CDKAL1: variants seen among roughly 807,000 people sequenced by gnomAD.
The protein encoded by CDKAL1 is CDKAL1 threonylcarbamoyladenosine tRNA methylthiotransferase.
Under a neutral mutation model 68.2 loss-of-function variants are expected in CDKAL1, and 32 were observed. The ratio of observed to expected loss-of-function variants is 0.47; its 90% CI spans 0.35 to 0.63. The LOEUF (loss-of-function observed/expected upper bound fraction) is 0.63, where lower values mean the gene tolerates loss of function less well. CDKAL1 is among the 30% of genes least tolerant of loss of function. The pLI is 0.00. For missense variants in CDKAL1, 606 were observed against 696.7 expected, an observed-to-expected ratio of 0.87 and a Z score of 1.47; for synonymous variants, 234 against 244.3, an observed-to-expected ratio of 0.96 and a Z score of 0.39.
intron 10 of CDKAL1, among the ~76,000 whole-genome samples, chr6:20,988,114 TTGG>T (rs1406827541): frequency 6.6e-6 from 1 of 151,938 alleles, no homozygotes; most frequent in African/African-American, 2.4e-5. Flanking sequence ...TCTCTAAACT[TTGG>T]TGTTTTTATC....
At chr6:21,006,488 G>T (rs1767733485) in intron 11 of CDKAL1, among the ~76,000 whole-genome samples, 1 of 152,038 alleles carries the variant, frequency 6.6e-6, no homozygotes, top group African/African-American at 2.4e-5. Flanking sequence ...TGTTATTTTG[G>T]GTAGCACTAA....
At chr6:21,123,443 G>A (rs535902164) in intron 13 of CDKAL1, among the ~76,000 whole-genome samples, 20 of 152,230 alleles carry the variant, frequency 1.3e-4, no homozygotes, top group South Asian at 4.2e-4. Context: ...GCAACAGAGC[G>A]AAACTCCATC....
At chr6:21,001,209 G>A (rs1052494367) in intron 11 of CDKAL1, among the ~76,000 whole-genome samples, 3 of 151,922 alleles carry the variant, frequency 2.0e-5, no homozygotes, top group African/African-American at 7.3e-5. Context: ...TTCCTTTGTT[G>A]TTTTTCTTAA....
At chr6:20,545,659 C>T (rs1211925292) in intron 2 of CDKAL1, among the ~76,000 whole-genome samples, 6 of 152,122 alleles carry the variant, frequency 3.9e-5, no homozygotes, top group East Asian at 1.9e-4. Flanking sequence ...TGGTCTCAAA[C>T]GCCTGACCTC....
intron 12 of CDKAL1, among the ~76,000 whole-genome samples, chr6:21,082,379 C>A (rs934506547): frequency 8.5e-5 from 13 of 152,184 alleles, no homozygotes; most frequent in African/African-American, 2.9e-4. Context: ...TTTCAACAAT[C>A]TTTTTAGGTG....
At chr6:20,924,918 T>C (rs556689463) in intron 9 of CDKAL1, among the ~76,000 whole-genome samples, 1 of 152,334 alleles carries the variant, frequency 6.6e-6, no homozygotes, top group African/African-American at 2.4e-5. Context: ...AACAAAGGAT[T>C]TTGAGTATTA....
intron 4 of CDKAL1, among the ~76,000 whole-genome samples, chr6:20,570,655 C>T (rs1452658333): frequency 1.3e-5 from 2 of 152,154 alleles, no homozygotes; most frequent in East Asian, 3.8e-4. Flanking sequence ...ACTGCCTTGG[C>T]TTCCCAAAGT....
At chr6:20,549,985 A>T (rs9465802) in intron 4 of CDKAL1, among the ~76,000 whole-genome samples, 144,871 of 150,396 alleles carry the variant, frequency 0.96, 69,753 homozygotes, top group East Asian at 1. Flanking sequence ...AATTAATTAA[A>T]TTTTTTTTTT....
chr6:20,800,053 T>C (rs1379146388), intron 8 of CDKAL1, among the ~76,000 whole-genome samples: 2 of 152,260 alleles, frequency 1.3e-5, no homozygotes, highest in African/African-American at 4.8e-5. Flanking sequence ...TATGAAAATC[T>C]ATACAATGGA....
intron 8 of CDKAL1, among the ~76,000 whole-genome samples, chr6:20,842,384 C>T (rs1778208168): frequency 6.6e-6 from 1 of 152,014 alleles, no homozygotes; most frequent in Admixed American, 6.6e-5. Context: ...TATACACTTA[C>T]TATGTACCCA....
chr6:20,587,475 G>T (rs561616777), intron 4 of CDKAL1, among the ~76,000 whole-genome samples: 7 of 152,106 alleles, frequency 4.6e-5, no homozygotes, highest in South Asian at 4.2e-4. Context: ...GCTCATGCTT[G>T]TAATCCCAGC....
intron 8 of CDKAL1, among the ~76,000 whole-genome samples, chr6:20,826,600 G>A (rs560105834): frequency 2.0e-5 from 3 of 152,146 alleles, no homozygotes; most frequent in African/African-American, 4.8e-5. Flanking sequence ...ATAGATAAAC[G>A]TCTGGTGGTT....
chr6:20,969,425 T>G (rs1338710251), intron 10 of CDKAL1, among the ~76,000 whole-genome samples: 2 of 152,144 alleles, frequency 1.3e-5, no homozygotes, highest in Non-Finnish European at 2.9e-5. Context: ...CTGAATAGGC[T>G]GAGGAGGAGG....
intron 4 of CDKAL1, among the ~76,000 whole-genome samples, chr6:20,627,242 A>T (rs1221787752): frequency 1.3e-5 from 2 of 152,178 alleles, no homozygotes; most frequent in African/African-American, 4.8e-5. Flanking sequence ...AGACAAATAT[A>T]TACTTCCAGC....
chr6:20,646,473 A>G (rs935243405), intron 4 of CDKAL1, among the ~76,000 whole-genome samples: 1 of 151,864 alleles, frequency 6.6e-6, no homozygotes, highest in Non-Finnish European at 1.5e-5. Flanking sequence ...AAGCTCCATT[A>G]TACTCTTGTG....
chr6:20,935,728 C>A (rs1406887566), intron 9 of CDKAL1, among the ~76,000 whole-genome samples: 1 of 152,170 alleles, frequency 6.6e-6, no homozygotes, highest in Admixed American at 6.5e-5. Flanking sequence ...CCATGCCCGG[C>A]CAAAATTAGA....
chr6:20,560,935 T>A (rs559490311), intron 4 of CDKAL1, among the ~76,000 whole-genome samples: 1 of 152,374 alleles, frequency 6.6e-6, no homozygotes, highest in African/African-American at 2.4e-5. Flanking sequence ...CCTAATCTAA[T>A]CATTTTAGAT....
intron 7 of CDKAL1, among the ~76,000 whole-genome samples, chr6:20,760,269 C>A (rs1043505187): frequency 3.9e-5 from 6 of 152,102 alleles, no homozygotes; most frequent in Admixed American, 3.9e-4. Flanking sequence ...CATGAGCTGC[C>A]ATGCTTGGCC....
intron 13 of CDKAL1, among the ~76,000 whole-genome samples, chr6:21,118,969 T>A (rs200178823): frequency 1.3e-5 from 2 of 151,948 alleles, no homozygotes; most frequent in African/African-American, 4.8e-5. Context: ...CAGTGGAGGG[T>A]GTCTTTTTAA....
Sources: gnomAD v4.1 joint callset for allele counts (sites outside exome capture counted in the v4.1 genomes callset) on GRCh38, gnomAD v4.1.1 for gene constraint, MANE v1.5 for transcripts, NCBI Gene and HGNC (gene_info 2026-07-23, HGNC 2026-07-21) for gene names.